The following SYTL2 variants were observed in gnomAD, a reference collection of about 807,000 sequenced individuals.
SYTL2 encodes the protein synaptotagmin-like protein 2.
A neutral mutation model predicts 198.7 loss-of-function variants in SYTL2; 165 were observed. The ratio of observed to expected loss-of-function variants is 0.83; its 90% CI spans 0.73 to 0.94. SYTL2 has a LOEUF of 0.94. Ranked by LOEUF, SYTL2 falls within the 40% of genes least tolerant of loss-of-function variation. SYTL2 has a pLI of 0.00. For synonymous variants in SYTL2, 966 were observed against 917.7 expected, an observed-to-expected ratio of 1.05 and a Z score of -0.95; for missense variants, 2,835 against 2,582.8, an observed-to-expected ratio of 1.10 and a Z score of -2.12.
intron 11 of SYTL2, chr11:85,716,532 T>C (rs1380320957): frequency 6.6e-6 from 1 of 152,210 alleles, no homozygotes; most frequent in Non-Finnish European, 1.5e-5. Flanking sequence ...GCTCCTCCGT[T>C]TAGCTGCTTT....
chr11:85,728,042 T>C, intron 7 of SYTL2, 75 bp from the exon 8 acceptor site: 1 of 1,317,274 alleles, frequency 7.6e-7, no homozygotes, highest in Non-Finnish European at 1.0e-6. Context: ...CATCATCATC[T>C]TTATAAAAGC....
intron 1 of SYTL2, among the ~76,000 whole-genome samples, chr11:85,782,645 C>A (rs2153604238): frequency 6.6e-6 from 1 of 152,342 alleles, no homozygotes; most frequent in Non-Finnish European, 1.5e-5. Context: ...ATACATAAAA[C>A]TGAATGCTTT....
At chr11:85,800,394 G>C (rs2092868564) in intron 1 of SYTL2, among the ~76,000 whole-genome samples, 1 of 152,124 alleles carries the variant, frequency 6.6e-6, no homozygotes, top group African/African-American at 2.4e-5. Context: ...TCCCACTTCA[G>C]CCTCCTGAGT....
intron 14 of SYTL2, among the ~76,000 whole-genome samples, chr11:85,708,909 G>A (rs902167808): frequency 1.6e-5 from 2 of 122,956 alleles, no homozygotes; most frequent in Admixed American, 1.1e-4. Flanking sequence ...GCAGTGGCCC[G>A]ATCTCAGCTC....
chr11:85,722,553 A>G (rs2088505088), intron 8 of SYTL2, among the ~76,000 whole-genome samples: 2 of 152,080 alleles, frequency 1.3e-5, no homozygotes, highest in South Asian at 4.1e-4. Flanking sequence ...ATTAGATGAT[A>G]GTCTCTAACA....
rs1177156562 is a variant in SYTL2 at position 85,696,329 on chromosome 11, G to GT, written c.6427dup (p.Thr2143AsnfsTer13). The GT allele has an allele frequency of 1.5e-5, 25 of 1,613,864 alleles. No homozygotes were observed. The highest frequency in any genetic ancestry group is 3.3e-5 in the Admixed American group (2 of 60,002). ...AGTGTGGTTGAAGATAGGGTTGGTG[G>GT]TTTTCCCTACAGCTCTTGTCTTCTG... On this transcript the variant is annotated frameshift_variant, in exon 19 of 20. Transcript: ENST00000359152. LOFTEE classifies it high-confidence loss of function.
the SYTL2 span, among the ~76,000 whole-genome samples, chr11:85,848,868 C>T: frequency 6.6e-6 from 1 of 151,954 alleles, no homozygotes; most frequent in Non-Finnish European, 1.5e-5. Flanking sequence ...TAATTTCAAA[C>T]ATTAATTAGG....
At chr11:85,750,351 T>C (rs2153531873) in intron 2 of SYTL2, among the ~76,000 whole-genome samples, 1 of 152,322 alleles carries the variant, frequency 6.6e-6, no homozygotes, top group East Asian at 1.9e-4. Flanking sequence ...TGAAGTCTCA[T>C]GGGATGTCTT....
At chr11:85,796,760 T>C (rs1465248239) in intron 1 of SYTL2, among the ~76,000 whole-genome samples, 1 of 152,256 alleles carries the variant, frequency 6.6e-6, no homozygotes, top group Non-Finnish European at 1.5e-5. Context: ...AAGTAGGCAA[T>C]TTGCCTCAAC....
chr11:85,825,268 G>A, the SYTL2 span, among the ~76,000 whole-genome samples: 12 of 150,902 alleles, frequency 8.0e-5, no homozygotes, highest in Non-Finnish European at 1.6e-4. Context: ...GGCGCCTGTA[G>A]TCCCAGCTAC....
chr11:85,818,329 T>C, the SYTL2 span, among the ~76,000 whole-genome samples: 1 of 152,228 alleles, frequency 6.6e-6, no homozygotes. Context: ...TTATTTCATA[T>C]TATAAATACT....
At chr11:85,843,259 T>C in the SYTL2 span, among the ~76,000 whole-genome samples, 1 of 151,924 alleles carries the variant, frequency 6.6e-6, no homozygotes, top group Non-Finnish European at 1.5e-5. Flanking sequence ...TCCCAGTTAC[T>C]TGGGAGGCTG....
At chr11:85,717,450 T>TG in intron 11 of SYTL2, 33 bp downstream of exon 11, 1 of 1,580,774 alleles carries the variant, frequency 6.3e-7, no homozygotes, top group Non-Finnish European at 8.7e-7. Context: ...AGTGGAATGT[T>TG]TAGTCATTTG....
At chr11:85,714,351 C>G in intron 12 of SYTL2, 62 bp downstream of exon 12, 1 of 1,349,238 alleles carries the variant, frequency 7.4e-7, no homozygotes, top group South Asian at 1.2e-5. Context: ...ACACACCAAC[C>G]TTGGCATAGC....
At chr11:85,790,313 C>T (rs527797056) in intron 1 of SYTL2, among the ~76,000 whole-genome samples, 84 of 152,198 alleles carry the variant, frequency 5.5e-4, no homozygotes, top group Non-Finnish European at 9.7e-4. Flanking sequence ...AGCAATTTCA[C>T]TTGGTTCAAC....
At chr11:85,818,867 T>G in the SYTL2 span, among the ~76,000 whole-genome samples, 8 of 152,278 alleles carry the variant, frequency 5.3e-5, no homozygotes, top group African/African-American at 1.9e-4. Flanking sequence ...ATATTTTGTA[T>G]TTATTAAAAG....
In SYTL2 at chr11:85,728,121, T is replaced by G; in HGVS notation, c.1391-154A>C. On this transcript the variant is annotated intron_variant, in intron 7 of 19. Transcript: ENST00000359152. ...CATTTTTCAGGGGTTAAAATGTAAG[T>G]TGTCCTAATTAAGGTATTCTACCAA... is the stretch of plus-strand genomic sequence containing the variant. The G allele has an allele frequency of 4.6e-6, 3 of 653,964 alleles. No individual in the cohort carries two copies. In the South Asian group the frequency reaches 7.3e-5, roughly 16 times the overall value. 40.5% of individuals were successfully genotyped at this position (653,964 alleles called of 1,614,324 possible). A position where few individuals can be genotyped will look rare whatever the true frequency, so the allele number is the denominator to read the frequency against.
intron 12 of SYTL2, 149 bp downstream of exon 12, chr11:85,714,264 C>A: frequency 1.6e-6 from 1 of 613,988 alleles, no homozygotes; most frequent in Non-Finnish European, 2.9e-6. Flanking sequence ...CCAGGATGAA[C>A]AACACTACTT....
At chr11:85,847,187 G>A in the SYTL2 span, among the ~76,000 whole-genome samples, 32 of 151,956 alleles carry the variant, frequency 2.1e-4, no homozygotes, top group Non-Finnish European at 4.4e-4. Context: ...CCTTTATTCC[G>A]GCAAGTACTC....
Sources: allele counts gnomAD v4.1 joint callset (sites outside exome capture counted in the v4.1 genomes callset), GRCh38; gene constraint gnomAD v4.1.1; transcripts MANE v1.5; gene names NCBI Gene and HGNC (gene_info 2026-07-23, HGNC 2026-07-21).